VPS13A: variants seen among roughly 807,000 people sequenced by gnomAD.
VPS13A encodes the protein vacuolar protein sorting 13 homolog A.
In VPS13A, 264 loss-of-function variants were observed where a neutral mutation model predicts 390.9. The ratio of observed to expected loss-of-function variants is 0.68; its 90% CI spans 0.61 to 0.75. The LOEUF (loss-of-function observed/expected upper bound fraction) is 0.75, where lower values mean the gene tolerates loss of function less well. VPS13A is among the 30% of genes least tolerant of loss of function. The pLI is 0.00. For synonymous variants in VPS13A, 1,231 were observed against 1,227.1 expected, an observed-to-expected ratio of 1.00 and a Z score of -0.07; for missense variants, 3,409 against 3,733.9, an observed-to-expected ratio of 0.91 and a Z score of 2.27.
intron 58 of VPS13A, 95 bp downstream of exon 58, chr9:77,359,497 T>C: frequency 8.9e-7 from 1 of 1,117,864 alleles, no homozygotes; most frequent in South Asian, 1.4e-5. Flanking sequence ...AAGTCAAAGA[T>C]TTAAGCATAA....
chr9:77,339,927 T>C lies in VPS13A; in HGVS notation c.6774+16T>C. The C allele has an allele frequency of 6.2e-7, 1 of 1,606,318 alleles. No individual in the cohort carries two copies. The highest frequency in any genetic ancestry group is 8.5e-7 in the Non-Finnish European group (1 of 1,179,540). ...TAACAATAAGGTATGCGATGTTTAT[T>C]CTGTTTTTCCCTTGTCTTTAGCTAC... On this transcript the variant is annotated intron_variant, in intron 48 of 71. Coordinates refer to ENST00000360280, the MANE Select transcript of VPS13A (RefSeq NM_033305.3).
At chr9:77,347,276 A>G (rs1831207223) in intron 52 of VPS13A, among the ~76,000 whole-genome samples, 1 of 149,294 alleles carries the variant, frequency 6.7e-6, no homozygotes. Flanking sequence ...TGCTTATGGC[A>G]GTATGGTCAT....
At chr9:77,392,926 A>T (rs1004685566) in intron 68 of VPS13A, among the ~76,000 whole-genome samples, 2 of 151,628 alleles carry the variant, frequency 1.3e-5, no homozygotes, top group African/African-American at 2.4e-5. Flanking sequence ...GAAGGTTGGG[A>T]TAGCTGTGGT....
At chr9:77,230,018 A>G (rs1418975548) in intron 17 of VPS13A, among the ~76,000 whole-genome samples, 2 of 152,098 alleles carry the variant, frequency 1.3e-5, no homozygotes, top group African/African-American at 2.4e-5. Context: ...CCTGATGGCT[A>G]AGGATTTTGA....
chr9:77,258,621 T>A (rs1330945815), intron 22 of VPS13A, among the ~76,000 whole-genome samples: 1 of 152,144 alleles, frequency 6.6e-6, no homozygotes, highest in East Asian at 1.9e-4. Context: ...ACGCATTCCC[T>A]TGTTTTTTTT....
In VPS13A at chr9:77,359,260, G is replaced by T. The variant is rs1232101225; in HGVS notation, c.8036-73G>T. 10 of 1,190,356 alleles carry T rather than the reference G, an allele frequency of 8.4e-6. No homozygotes were observed. In the South Asian group the frequency reaches 1.0e-4, roughly 12 times the overall value. The allele number at this position is 1,190,356 out of a possible 1,614,324, so 73.7% of individuals were successfully genotyped here. A position where few individuals can be genotyped will look rare whatever the true frequency, so the allele number is the denominator to read the frequency against. Reference sequence around the variant, plus strand: ...GTAAATGATTTAATTTTCCATTGTGGTGTATATTGGAAGAAAATGCCTAGC... The same window carrying T: ...GTAAATGATTTAATTTTCCATTGTGTTGTATATTGGAAGAAAATGCCTAGC... On this transcript the variant is annotated intron_variant, in intron 57 of 71. Transcript: ENST00000360280.
rs1244139989 is a variant in VPS13A at position 77,307,943 on chromosome 9, A to C, written c.3961-2A>C. On this transcript the variant is annotated splice_acceptor_variant, in intron 34 of 71. Coordinates refer to ENST00000360280, the MANE Select transcript of VPS13A (RefSeq NM_033305.3). LOFTEE classifies it high-confidence loss of function. Reference sequence around the variant, plus strand: ...AAAGAACAAATCTTTTTTTTTTAACAGTTCATTCTTAGTCAAGAAGATATA... The same window carrying C: ...AAAGAACAAATCTTTTTTTTTTAACCGTTCATTCTTAGTCAAGAAGATATA... 9 of 1,578,574 alleles carry C rather than the reference A, an allele frequency of 5.7e-6. No homozygotes were observed. In the Admixed American group the frequency reaches 1.2e-4, roughly 21 times the overall value.
At chr9:77,231,896 G>A (rs1823853162) in intron 17 of VPS13A, among the ~76,000 whole-genome samples, 1 of 152,008 alleles carries the variant, frequency 6.6e-6, no homozygotes, top group African/African-American at 2.4e-5. Flanking sequence ...TTACATATAC[G>A]TTTATGACCT....
At chr9:77,288,380 A>T (rs917730792) in intron 31 of VPS13A, among the ~76,000 whole-genome samples, 1 of 152,044 alleles carries the variant, frequency 6.6e-6, no homozygotes, top group Non-Finnish European at 1.5e-5. Context: ...TGATTTGAGA[A>T]TGTCTTTCTG....
At chr9:77,307,368 T>C (rs1828817393) in intron 34 of VPS13A, among the ~76,000 whole-genome samples, 1 of 152,160 alleles carries the variant, frequency 6.6e-6, no homozygotes, top group South Asian at 2.1e-4. Context: ...AGGTCAGAGG[T>C]TGAGCCCAGG....
At chr9:77,221,786 C>T (rs1035223208) in intron 13 of VPS13A, among the ~76,000 whole-genome samples, 1 of 152,070 alleles carries the variant, frequency 6.6e-6, no homozygotes, top group Admixed American at 6.6e-5. Context: ...CTTTTAGCCA[C>T]GCCTATGCTC....
rs1835163049 is a variant in VPS13A at position 77,416,150 on chromosome 9, AC to A, written c.*145del. ...CTAAAAAACAAAAACAAACAAAAAA[AC>A]AAAAACAAAAAAACAAAACCAGAAT... On this transcript the variant is annotated 3_prime_UTR_variant, in exon 72 of 72. Coordinates refer to ENST00000360280, the MANE Select transcript of VPS13A (RefSeq NM_033305.3). 5 of 1,000,618 alleles carry A rather than the reference AC, an allele frequency of 5.0e-6. No individual in the cohort carries two copies. Among genetic ancestry groups the A allele is most frequent in the African/African-American group, 1.6e-5 (1 of 61,236 alleles). 62.0% of individuals were successfully genotyped at this position (1,000,618 alleles called of 1,614,324 possible).
At chr9:77,272,557 T>C (rs1211027468) in intron 23 of VPS13A, among the ~76,000 whole-genome samples, 1 of 152,204 alleles carries the variant, frequency 6.6e-6, no homozygotes, top group Non-Finnish European at 1.5e-5. Context: ...AAACATTGTT[T>C]TGTAAAGGAA....
chr9:77,376,754 G>A (rs1411912100), intron 67 of VPS13A, among the ~76,000 whole-genome samples: 2 of 152,104 alleles, frequency 1.3e-5, no homozygotes, highest in African/African-American at 4.8e-5. Flanking sequence ...CAAGCTAGAG[G>A]TAAAAATTCA....
chr9:77,260,159 T>G lies in VPS13A; in HGVS notation c.2362T>G (p.Leu788Val). The G allele has an allele frequency of 6.2e-7, 1 of 1,609,816 alleles. No individual in the cohort carries two copies. The highest frequency in any genetic ancestry group is 1.1e-5 in the South Asian group (1 of 90,844). Reference sequence around the variant, plus strand: ...TAAAAAACTACAAGGGATTATGGAATTGATTGAAAGCATTCCAAAACCTGA... The same window carrying G: ...TAAAAAACTACAAGGGATTATGGAAGTGATTGAAAGCATTCCAAAACCTGA... Reference protein sequence around the residue: ...SDKKLQGIMELIESIPKPEPV... With the variant: ...SDKKLQGIMEVIESIPKPEPV... The change falls in exon 23 of 72, where the codon TTG (leucine) becomes GTG (valine). Residue 788 changes from leucine (L) to valine (V), a missense_variant. By Grantham distance (32) the Leu-to-Val change is conservative. Around this residue, in one of 5 missense-constraint regions of VPS13A, gnomAD observed 2,717 missense variants for 2,917.4 expected, o/e 0.93. Coordinates refer to ENST00000360280, the MANE Select transcript of VPS13A (RefSeq NM_033305.3).
intron 1 of VPS13A, among the ~76,000 whole-genome samples, chr9:77,181,712 G>A (rs1023235051): frequency 4.6e-5 from 7 of 152,136 alleles, no homozygotes; most frequent in Non-Finnish European, 7.3e-5. Context: ...GCTAATAATG[G>A]ATGGTGCTCT....
intron 23 of VPS13A, 64 bp from the exon 24 acceptor site, chr9:77,273,215 AT>A: frequency 7.9e-7 from 1 of 1,271,038 alleles, no homozygotes; most frequent in Non-Finnish European, 1.1e-6. Context: ...TTGAATAAAC[AT>A]TTTTTGAATA....
In VPS13A at chr9:77,417,342, A is replaced by G. The variant is rs1220054206; in HGVS notation, c.*1336A>G. 1 of 152,198 alleles carries G rather than the reference A, an allele frequency of 6.6e-6. No individual in the cohort carries two copies. Among genetic ancestry groups the G allele is most frequent in the African/African-American group, 2.4e-5 (1 of 41,454 alleles). The allele number at this position is 152,198 out of a possible 1,614,324, so 9.4% of individuals were successfully genotyped here. Reference sequence around the variant, plus strand: ...AAACCCTCGCTTTGTTGTAAAAGCTAAAATAAACAGCATGCTATATTGTAA... The same window carrying G: ...AAACCCTCGCTTTGTTGTAAAAGCTGAAATAAACAGCATGCTATATTGTAA... On this transcript the variant is annotated 3_prime_UTR_variant, in exon 72 of 72. Coordinates refer to ENST00000360280, the MANE Select transcript of VPS13A (RefSeq NM_033305.3).
At chr9:77,306,401 AGTGTGTGTGTGTTTGTGT>A (rs1445114310) in intron 34 of VPS13A, among the ~76,000 whole-genome samples, 33 of 107,696 alleles carry the variant, frequency 3.1e-4, no homozygotes, top group Non-Finnish European at 4.7e-4. Context: ...AGAGAGAGAG[AGTGTGTGTGTGTTTGTGT>A]GTGTGTGTGT....
Sources: gnomAD v4.1 joint callset for allele counts (sites outside exome capture counted in the v4.1 genomes callset) on GRCh38, gnomAD v4.1.1 for gene constraint, gnomAD v4.1.1 regional missense constraint, MANE v1.5 for transcripts, NCBI Gene and HGNC (gene_info 2026-07-23, HGNC 2026-07-21) for gene names.